The following MATR3 variants were observed in gnomAD, a reference collection of about 807,000 sequenced individuals.
The protein encoded by MATR3 is matrin-3.
Under a neutral mutation model 85.5 loss-of-function variants are expected in MATR3, and 4 were observed. The observed-to-expected ratio is 0.05, with a 90% CI of 0.02 to 0.11. MATR3 has a LOEUF of 0.11. Ranked by LOEUF, MATR3 falls within the 10% of genes least tolerant of loss-of-function variation. The pLI, the probability that MATR3 is intolerant of heterozygous loss-of-function variation, is 1.00. For synonymous variants in MATR3, 336 were observed against 343.1 expected, an observed-to-expected ratio of 0.98 and a Z score of 0.23; for missense variants, 685 against 1,016.1, an observed-to-expected ratio of 0.67 and a Z score of 4.43.
intron 3 of MATR3, chr5:139,283,575 G>C (rs1469207533): frequency 6.6e-6 from 1 of 152,224 alleles, no homozygotes; most frequent in East Asian, 1.9e-4. Flanking sequence ...CTTCTGATTT[G>C]TGTACTCCCT....
intron 14 of MATR3, among the ~76,000 whole-genome samples, chr5:139,328,676 G>A (rs925403574): frequency 2.0e-5 from 3 of 152,138 alleles, no homozygotes; most frequent in African/African-American, 7.2e-5. Flanking sequence ...TGCTGGCCTT[G>A]CAAGAAAATG....
intron 2 of MATR3, chr5:139,312,454 T>G (rs1380487163): frequency 6.6e-6 from 1 of 152,202 alleles, no homozygotes; most frequent in African/African-American, 2.4e-5. Context: ...TACTTTCCAG[T>G]TGAAACTTTA....
chr5:139,309,904 A>G (rs1754886209), intron 2 of MATR3: 1 of 152,180 alleles, frequency 6.6e-6, no homozygotes, highest in Non-Finnish European at 1.5e-5. Flanking sequence ...CAGAAATGTC[A>G]GTATGACCAA....
rs1448822573 is a variant in MATR3, at chr5:139,307,438, C to T, written c.23C>T (p.Ser8Leu). The change falls in exon 2 of 15, where the codon TCA (serine) becomes TTA (leucine). Residue 8 changes from serine (S) to leucine (L), a missense_variant. Around this residue, in one of 9 missense-constraint regions of MATR3, gnomAD observed 30 missense variants for 69.5 expected, o/e 0.43. Coordinates refer to ENST00000394805, the MANE Select transcript of MATR3 (RefSeq NM_018834.6). This position sits in a 1 kb window ranked among gnomAD's most constrained non-coding sequence, Gnocchi z 4.4. The part of the protein sequence containing the change: MSKSFQQ[S>L]SLSRDSQGHG... ...ACAATGTCCAAGTCATTCCAGCAGT[C>T]ATCTCTCAGTAGGGACTCACAGGGT... The T allele has an allele frequency of 1.2e-6, 2 of 1,613,942 alleles. No individual in the cohort carries two copies. The highest frequency in any genetic ancestry group is 1.7e-5 in the Admixed American group (1 of 59,984).
At chr5:139,316,392 CCCA>C (rs1755245228) in intron 5 of MATR3, among the ~76,000 whole-genome samples, 1 of 151,742 alleles carries the variant, frequency 6.6e-6, no homozygotes, top group South Asian at 2.1e-4. Flanking sequence ...ATTACAGGTG[CCCA>C]CCACCACGCC....
chr5:139,327,743 T>C (rs1164370253), intron 14 of MATR3, among the ~76,000 whole-genome samples: 4 of 151,954 alleles, frequency 2.6e-5, no homozygotes, highest in African/African-American at 9.7e-5. Flanking sequence ...TTTTATCTGC[T>C]TTGATTTTAA....
chr5:139,304,834 A>G (rs760089146), intron 1 of MATR3, among the ~76,000 whole-genome samples: 2 of 152,148 alleles, frequency 1.3e-5, no homozygotes, highest in Admixed American at 6.5e-5. Context: ...GTGTCTCCAT[A>G]TTGTGCTGCC....
At position 139,307,965 on chromosome 5, in the gene MATR3, T is replaced by C. The variant is rs756601361; in HGVS notation, c.550T>C (p.Phe184Leu). The change falls in exon 2 of 15, where the codon TTT becomes CTT. Residue 184 changes from phenylalanine to leucine, a missense_variant. Phe to Leu is a conservative substitution (Grantham distance 22). Coordinates refer to ENST00000394805, the MANE Select transcript of MATR3 (RefSeq NM_018834.6). This position sits in a 1 kb window ranked among gnomAD's most constrained non-coding sequence, Gnocchi z 4.4. ...GGATGATTGGGAAGAAAAAAGGCAC[T>C]TTAGAAGAGATAGTTTTGATGATCG... ...PRDDWEEKRH[F>L]RRDSFDDRGP... 7 of 1,613,980 alleles carry C rather than the reference T, an allele frequency of 4.3e-6. No individual in the cohort carries two copies. The highest frequency in any genetic ancestry group is 5.1e-6 in the Non-Finnish European group (6 of 1,180,008).
At chr5:139,305,325 A>G (rs1754653047) in intron 1 of MATR3, among the ~76,000 whole-genome samples, 1 of 152,228 alleles carries the variant, frequency 6.6e-6, no homozygotes, top group South Asian at 2.1e-4. Flanking sequence ...GTAGTCTAAC[A>G]GTCACATTTC....
intron 2 of MATR3, 145 bp from the exon 3 acceptor site, chr5:139,314,525 TTTAAA>T: frequency 1.5e-6 from 1 of 678,550 alleles, no homozygotes; most frequent in Non-Finnish European, 2.7e-6. Context: ...GAGAAATGGT[TTTAAA>T]TTAAATCAAT....
At chr5:139,309,803 G>T (rs1052422128) in intron 2 of MATR3, among the ~76,000 whole-genome samples, 1 of 152,060 alleles carries the variant, frequency 6.6e-6, no homozygotes, top group Non-Finnish European at 1.5e-5. Context: ...TTTAGGTCCC[G>T]TGTGAATTCA....
rs796858947 is a variant in MATR3, at chr5:139,307,139, GTT to G, written c.-177-91_-177-90del. The stretch of plus-strand genomic sequence containing the variant: ...TCCTTGTAAGTTTGAGATCTTAAAT[GTT>G]TTTTTTTTAAATCAACATGATGCAT... On this transcript the variant is annotated intron_variant, in intron 1 of 14. Coordinates refer to ENST00000394805, the MANE Select transcript of MATR3 (RefSeq NM_018834.6). The surrounding 1 kb of genome is among the most constrained non-coding windows in gnomAD (Gnocchi z 4.4). 5.1e-6 allele frequency: 4 copies of G among 791,028 alleles called. No homozygotes were observed. Among genetic ancestry groups the G allele is most frequent in the African/African-American group, 1.9e-5 (1 of 53,428 alleles). The allele number at this position is 791,028 out of a possible 1,614,324, so 49.0% of individuals were successfully genotyped here.
At chr5:139,303,352 G>T (rs182822128) in intron 1 of MATR3, among the ~76,000 whole-genome samples, 1 of 152,084 alleles carries the variant, frequency 6.6e-6, no homozygotes, top group South Asian at 2.1e-4. Context: ...AACCCACCTC[G>T]GCTTCCCAAA....
intron 8 of MATR3, 73 bp downstream of exon 8, chr5:139,319,106 C>A (rs1755407708): frequency 6.6e-7 from 1 of 1,508,324 alleles, no homozygotes; most frequent in Non-Finnish European, 9.2e-7. Context: ...GTGGTTATTT[C>A]AAATTATTGC....
At chr5:139,325,085 C>T (rs1294780711) in intron 12 of MATR3, among the ~76,000 whole-genome samples, 2 of 151,650 alleles carry the variant, frequency 1.3e-5, no homozygotes, top group Admixed American at 1.3e-4. Context: ...CCCAGCTACT[C>T]GGGAGGCTGA....
chr5:139,325,799 A>G (rs1228050816), intron 13 of MATR3, 137 bp downstream of exon 13: 14 of 752,680 alleles, frequency 1.9e-5, no homozygotes, highest in Non-Finnish European at 2.9e-5. Flanking sequence ...ATGGGGAACA[A>G]TTTATAAATC....
At chr5:139,281,602 C>T (rs1488015135) in intron 3 of MATR3, among the ~76,000 whole-genome samples, 1 of 152,090 alleles carries the variant, frequency 6.6e-6, no homozygotes, top group African/African-American at 2.4e-5. Flanking sequence ...ATCCACCCGC[C>T]TCAGCCTCCC....
rs1293752381 is a variant in MATR3 at position 139,331,663 on chromosome 5, C to A, written c.*2268C>A. 2 of 442,682 alleles carry A rather than the reference C, an allele frequency of 4.5e-6. No individual in the cohort carries two copies. Among genetic ancestry groups the A allele is most frequent in the South Asian group, 1.6e-5 (1 of 61,588 alleles). The allele number at this position is 442,682 out of a possible 1,614,324, so 27.4% of individuals were successfully genotyped here. A position where few individuals can be genotyped will look rare whatever the true frequency, so the allele number is the denominator to read the frequency against. On this transcript the variant is annotated 3_prime_UTR_variant, in exon 15 of 15. Coordinates refer to ENST00000394805, the MANE Select transcript of MATR3 (RefSeq NM_018834.6). Reference sequence around the variant, plus strand: ...TATCCTACAAAAGTGAATGAAACTTCTAGAAGTACCTTGAGTTTGTTTTAC... The same window carrying A: ...TATCCTACAAAAGTGAATGAAACTTATAGAAGTACCTTGAGTTTGTTTTAC...
chr5:139,297,177 CA>C (rs901013325), intron 1 of MATR3, among the ~76,000 whole-genome samples: 2 of 151,298 alleles, frequency 1.3e-5, no homozygotes, highest in African/African-American at 4.9e-5. Flanking sequence ...GACTCCATCT[CA>C]AAAAAAAGTA....
Sources: allele counts gnomAD v4.1 joint callset (sites outside exome capture counted in the v4.1 genomes callset), GRCh38; gene constraint gnomAD v4.1.1; regional missense constraint gnomAD v4.1.1; non-coding constraint Gnocchi (gnomAD v3.1); transcripts MANE v1.5; gene names NCBI Gene and HGNC (gene_info 2026-07-23, HGNC 2026-07-21).